TNKS: variants seen among roughly 807,000 people sequenced by gnomAD.
The protein encoded by TNKS is poly [ADP-ribose] polymerase tankyrase-1.
A neutral mutation model predicts 135.8 loss-of-function variants in TNKS; 72 were observed. That is an observed-to-expected ratio of 0.53 (90% CI 0.44 to 0.64). TNKS has a LOEUF of 0.64. Among genes scored for constraint, TNKS ranks in the 30% least tolerant of loss-of-function variants. The pLI, the probability that TNKS is intolerant of heterozygous loss-of-function variation, is 0.00. For synonymous variants in TNKS, 849 were observed against 649.3 expected (o/e 1.31, Z -4.68); for missense variants, 1,769 against 1,674.0 (o/e 1.06, Z -0.99).
At position 9,778,339 on chromosome 8, in the gene TNKS, G is replaced by A. The variant is rs1169213953; in HGVS notation, c.*1603G>A. On this transcript the variant is annotated 3_prime_UTR_variant, in exon 27 of 27. Coordinates refer to ENST00000310430, the MANE Select transcript of TNKS (RefSeq NM_003747.3). ...CATTGCAATTCAAAGCCCTGAAAAC[G>A]ATGGGTTTAATGCAAGGTGATTAAG... is the stretch of plus-strand genomic sequence containing the variant. 6.6e-6 allele frequency: 1 copy of A among 152,360 alleles called. No individual in the cohort carries two copies. The highest frequency in any genetic ancestry group is 2.4e-5 in the African/African-American group (1 of 41,448). The allele number at this position is 152,360 out of a possible 1,614,324, so 9.4% of individuals were successfully genotyped here. A position where few individuals can be genotyped will look rare whatever the true frequency, so the allele number is the denominator to read the frequency against.
Position 9,556,063 on chromosome 8 carries a change from G to T in TNKS, c.124G>T (p.Gly42Trp), listed in dbSNP as rs754746323. The T allele has an allele frequency of 1.2e-6, 2 of 1,608,504 alleles. No homozygotes were observed. Among genetic ancestry groups the T allele is most frequent in the East Asian group, 2.2e-5 (1 of 44,818 alleles). Residue 42 changes from glycine (G) to tryptophan (W), a missense_variant, in exon 1 of 27, where the codon GGG becomes TGG. Physicochemically the swap from Gly to Trp is radical, Grantham distance 184 (BLOSUM62 -2). Coordinates refer to ENST00000310430, the MANE Select transcript of TNKS (RefSeq NM_003747.3). ...CCCACTCAGCCCTGGCCTGGCCCCG[G>T]GGACCACCCCAGCCTCTCCCACGGC... is the stretch of plus-strand genomic sequence containing the variant. ...PPPLSPGLAP[G>W]TTPASPTASG...
At chr8:9,686,824 A>C (rs1374136859) in intron 5 of TNKS, among the ~76,000 whole-genome samples, 1 of 151,752 alleles carries the variant, frequency 6.6e-6, no homozygotes, top group Non-Finnish European at 1.5e-5. Context: ...CCATGTGTTC[A>C]TGGCAAATTT....
intron 3 of TNKS, among the ~76,000 whole-genome samples, chr8:9,617,884 A>G (rs1217731044): frequency 6.6e-6 from 1 of 151,648 alleles, no homozygotes; most frequent in Non-Finnish European, 1.5e-5. Context: ...CCAGTATCTC[A>G]TCGTTTTATG....
intron 3 of TNKS, among the ~76,000 whole-genome samples, chr8:9,657,749 C>A (rs1801471611): frequency 6.9e-6 from 1 of 144,058 alleles, no homozygotes; most frequent in Non-Finnish European, 1.5e-5. Context: ...CCCCTCACCT[C>A]CCGGACGGGG....
intron 5 of TNKS, among the ~76,000 whole-genome samples, chr8:9,698,799 A>G (rs1260476381): frequency 1.3e-5 from 2 of 152,316 alleles, no homozygotes; most frequent in Non-Finnish European, 1.5e-5. Context: ...TGCACCGCAA[A>G]TCTATATGAG....
intron 1 of TNKS, chr8:9,557,674 G>A (rs1815383566): frequency 6.6e-6 from 1 of 151,942 alleles, no homozygotes; most frequent in Admixed American, 6.6e-5. Flanking sequence ...ACACACCAGA[G>A]ATAACTTCTG....
chr8:9,662,093 A>G (rs577752775), intron 3 of TNKS, among the ~76,000 whole-genome samples: 1 of 152,334 alleles, frequency 6.6e-6, no homozygotes, highest in African/African-American at 2.4e-5. Flanking sequence ...AGGAAACAAC[A>G]GGTGCTGGAG....
intron 20 of TNKS, among the ~76,000 whole-genome samples, chr8:9,757,561 T>A (rs114929286): frequency 8.7e-4 from 132 of 152,222 alleles, no homozygotes; most frequent in African/African-American, 3.1e-3. Flanking sequence ...CCTTTCCTCA[T>A]CTCCTTCCTG....
chr8:9,727,467 T>C (rs916139132), intron 13 of TNKS, among the ~76,000 whole-genome samples: 1 of 152,208 alleles, frequency 6.6e-6, no homozygotes, highest in African/African-American at 2.4e-5. Context: ...AAGGTCTTGC[T>C]GTATTGCCCA....
chr8:9,745,492 T>C (rs1020278012), intron 17 of TNKS, among the ~76,000 whole-genome samples: 6 of 152,022 alleles, frequency 3.9e-5, no homozygotes, highest in African/African-American at 1.4e-4. Context: ...GCAATCTCCG[T>C]CTCCCAGATT....
intron 5 of TNKS, among the ~76,000 whole-genome samples, chr8:9,696,236 A>G (rs2128803808): frequency 6.6e-6 from 1 of 152,318 alleles, no homozygotes; most frequent in African/African-American, 2.4e-5. Context: ...TCCAATGTCA[A>G]GAGAATGAAA....
At chr8:9,560,372 C>G (rs1474310755) in intron 1 of TNKS, among the ~76,000 whole-genome samples, 1 of 151,356 alleles carries the variant, frequency 6.6e-6, no homozygotes, top group African/African-American at 2.4e-5. Flanking sequence ...AAAATAAAAA[C>G]TAGTTTTCTT....
At chr8:9,620,601 C>T (rs1439595533) in intron 3 of TNKS, among the ~76,000 whole-genome samples, 3 of 152,174 alleles carry the variant, frequency 2.0e-5, no homozygotes, top group Non-Finnish European at 4.4e-5. Context: ...ATCTTGTCTT[C>T]TACTGTATTC....
chr8:9,746,235 G>A (rs1806227472), intron 17 of TNKS, among the ~76,000 whole-genome samples: 1 of 152,146 alleles, frequency 6.6e-6, no homozygotes, highest in Admixed American at 6.6e-5. Context: ...AAATACTTAA[G>A]TGCTAACCAG....
rs567642956 is a variant in TNKS, at chr8:9,679,928, C to G, written c.995-23C>G. On this transcript the variant is annotated intron_variant, in intron 3 of 26. Transcript: ENST00000310430. Reference sequence around the variant, plus strand: ...TCTGTCTTCTGCCAAATGCTAACAGCATGATATTTTGCAATCATCTAGGTG... The same window carrying G: ...TCTGTCTTCTGCCAAATGCTAACAGGATGATATTTTGCAATCATCTAGGTG... The G allele has an allele frequency of 1.7e-5, 27 of 1,602,542 alleles. No homozygotes were observed. In the South Asian group the frequency reaches 2.8e-4, roughly 16 times the overall value.
chr8:9,703,108 C>G (rs1803890586), intron 5 of TNKS, among the ~76,000 whole-genome samples: 2 of 152,158 alleles, frequency 1.3e-5, no homozygotes, highest in Non-Finnish European at 2.9e-5. Context: ...GATAACGTTT[C>G]AGGAGCCCGG....
chr8:9,645,302 A>G (rs73202869), intron 3 of TNKS, among the ~76,000 whole-genome samples: 1 of 152,162 alleles, frequency 6.6e-6, no homozygotes, highest in Non-Finnish European at 1.5e-5. Flanking sequence ...TATGAAGAGA[A>G]GCCCATTCAT....
At chr8:9,585,738 C>T (rs1798352565) in intron 2 of TNKS, among the ~76,000 whole-genome samples, 1 of 152,206 alleles carries the variant, frequency 6.6e-6, no homozygotes, top group African/African-American at 2.4e-5. Flanking sequence ...AACTTTCTTT[C>T]TCTATACTTT....
chr8:9,606,205 G>T, intron 2 of TNKS, among the ~76,000 whole-genome samples: 1 of 137,046 alleles, frequency 7.3e-6, no homozygotes. Context: ...AGCATGATTT[G>T]TTGAATAGGC....
Sources: gnomAD v4.1 joint callset for allele counts (sites outside exome capture counted in the v4.1 genomes callset) on GRCh38, gnomAD v4.1.1 for gene constraint, MANE v1.5 for transcripts, NCBI Gene and HGNC (gene_info 2026-07-23, HGNC 2026-07-21) for gene names.